EPHA6: variants seen among roughly 807,000 people sequenced by gnomAD.
EPHA6 encodes ephrin type-A receptor 6.
Under a neutral mutation model 112.0 loss-of-function variants are expected in EPHA6, and 50 were observed. The ratio of observed to expected loss-of-function variants is 0.45; its 90% CI spans 0.36 to 0.56. EPHA6 has a LOEUF of 0.56. Ranked by LOEUF, EPHA6 falls within the 20% of genes least tolerant of loss-of-function variation. The pLI is 0.00. For missense variants in EPHA6, 1,280 were observed against 1,417.4 expected, an observed-to-expected ratio of 0.90 and a Z score of 1.56; for synonymous variants, 529 against 490.7, an observed-to-expected ratio of 1.08 and a Z score of -1.03.
rs570565029 is a variant in EPHA6 at position 96,848,091 on chromosome 3, C to T, written c.386-18734C>T. ...TAATGTTTGCATGGGTATAAGTTGACAGTCTTATTTATACATATATTTCAT... is the reference window on the plus strand; with the variant it reads ...TAATGTTTGCATGGGTATAAGTTGATAGTCTTATTTATACATATATTTCAT... On this transcript the variant is annotated intron_variant, in intron 1 of 17. Coordinates refer to ENST00000389672, the MANE Select transcript of EPHA6 (RefSeq NM_001080448.3). Among the ~76,000 whole-genome samples, 9 of 152,108 alleles carry T rather than the reference C, an allele frequency of 5.9e-5. No homozygotes were observed. The South Asian group carries it at 1.9e-3, about 32-fold the overall frequency.
At chr3:97,056,300 T>C (rs2045850584) in intron 3 of EPHA6, among the ~76,000 whole-genome samples, 1 of 152,166 alleles carries the variant, frequency 6.6e-6, no homozygotes, top group Non-Finnish European at 1.5e-5. Context: ...CCCCCTTCGC[T>C]CTCAAGTATC....
rs527801960 is a variant in EPHA6, at chr3:96,961,044, T to C, written c.451-26286T>C. Reference sequence around the variant, plus strand: ...AATGAAGGGAGAAAACTTGTATAGCTGGATTAAACTGAGAATTGACTGTAA... The same window carrying C: ...AATGAAGGGAGAAAACTTGTATAGCCGGATTAAACTGAGAATTGACTGTAA... On this transcript the variant is annotated intron_variant, in intron 2 of 17. Coordinates refer to ENST00000389672, the MANE Select transcript of EPHA6 (RefSeq NM_001080448.3). Among the ~76,000 whole-genome samples, 264 of 152,320 alleles carry C rather than the reference T, an allele frequency of 1.7e-3. 1 individual carries two copies. Among genetic ancestry groups the C allele is most frequent in the African/African-American group, 5.9e-3 (247 of 41,568 alleles).
chr3:97,529,522 T>C (rs2092671878), intron 10 of EPHA6, among the ~76,000 whole-genome samples: 1 of 152,098 alleles, frequency 6.6e-6, no homozygotes, highest in Non-Finnish European at 1.5e-5. Context: ...ACAGATCTTA[T>C]TGAGGAATAA....
At chr3:97,054,192 ACAC>A (rs1418794061) in intron 3 of EPHA6, among the ~76,000 whole-genome samples, 3 of 150,058 alleles carry the variant, frequency 2.0e-5, no homozygotes, top group Non-Finnish European at 4.4e-5. Context: ...ACACACACAC[ACAC>A]AACAGATTAA....
chr3:96,879,601 G>C (rs1222598764), intron 2 of EPHA6, among the ~76,000 whole-genome samples: 1 of 152,068 alleles, frequency 6.6e-6, no homozygotes, highest in Non-Finnish European at 1.5e-5. Context: ...GCTTTTGGCA[G>C]TATGATTATT....
intron 10 of EPHA6, among the ~76,000 whole-genome samples, chr3:97,494,349 C>G (rs2091924939): frequency 6.6e-6 from 1 of 152,170 alleles, no homozygotes; most frequent in Non-Finnish European, 1.5e-5. Flanking sequence ...GTAAGTGACA[C>G]TTTCTAACCT....
chr3:97,642,576 A>G (rs1185939377), intron 14 of EPHA6, among the ~76,000 whole-genome samples: 1 of 151,690 alleles, frequency 6.6e-6, no homozygotes, highest in Non-Finnish European at 1.5e-5. Context: ...TAGAATAACC[A>G]ATACAGAGAA....
At chr3:97,380,006 A>G (rs548350083) in intron 5 of EPHA6, among the ~76,000 whole-genome samples, 29 of 152,298 alleles carry the variant, frequency 1.9e-4, no homozygotes, top group Middle Eastern at 3.4e-3. Context: ...TTTCAGAAAT[A>G]GGAAACGTAT....
intron 1 of EPHA6, among the ~76,000 whole-genome samples, chr3:96,819,612 G>T (rs1321111910): frequency 6.6e-6 from 1 of 152,050 alleles, no homozygotes; most frequent in Admixed American, 6.6e-5. Flanking sequence ...AAACATGCTG[G>T]AAATCAATAT....
chr3:97,640,672 C>T (rs1031385623), intron 14 of EPHA6, among the ~76,000 whole-genome samples: 12 of 151,670 alleles, frequency 7.9e-5, no homozygotes, highest in Non-Finnish European at 1.5e-4. Flanking sequence ...CCTGGCTACT[C>T]GGCAGGCTGA....
At chr3:96,858,348 A>C (rs1301736897) in intron 1 of EPHA6, among the ~76,000 whole-genome samples, 5 of 152,160 alleles carry the variant, frequency 3.3e-5, no homozygotes, top group Admixed American at 3.3e-4. Context: ...TAGTAGAATA[A>C]GAAATATGAC....
intron 2 of EPHA6, among the ~76,000 whole-genome samples, chr3:96,941,846 A>G (rs2040968527): frequency 6.6e-6 from 1 of 152,046 alleles, no homozygotes; most frequent in Non-Finnish European, 1.5e-5. Context: ...GGTCTGTTCG[A>G]GTTTGCTAGA....
chr3:96,880,697 C>A (rs976025645), intron 2 of EPHA6, among the ~76,000 whole-genome samples: 1 of 152,080 alleles, frequency 6.6e-6, no homozygotes, highest in Non-Finnish European at 1.5e-5. Context: ...TTCCTCCCCC[C>A]ACCTCACGCG....
intron 2 of EPHA6, among the ~76,000 whole-genome samples, chr3:96,921,790 A>G (rs1016202572): frequency 4.0e-5 from 6 of 151,494 alleles, no homozygotes; most frequent in African/African-American, 1.5e-4. Context: ...CTGGTCTTGA[A>G]CTCTTAACCT....
chr3:97,299,240 G>A (rs1330650615), intron 5 of EPHA6, among the ~76,000 whole-genome samples: 2 of 150,032 alleles, frequency 1.3e-5, no homozygotes, highest in Non-Finnish European at 3.0e-5. Flanking sequence ...TGTGTGTGTA[G>A]TGGGGAGTGT....
At chr3:97,468,072 C>T (rs1220156249) in intron 7 of EPHA6, among the ~76,000 whole-genome samples, 3 of 150,152 alleles carry the variant, frequency 2.0e-5, no homozygotes, top group Non-Finnish European at 4.4e-5. Context: ...GTTTGATATA[C>T]TGAATTGTAT....
At chr3:97,302,033 T>G (rs1203379465) in intron 5 of EPHA6, among the ~76,000 whole-genome samples, 1 of 152,046 alleles carries the variant, frequency 6.6e-6, no homozygotes, top group Non-Finnish European at 1.5e-5. Context: ...GACTTCTGTT[T>G]GCCAGTTAAT....
chr3:97,074,252 A>G (rs564131916), intron 3 of EPHA6, among the ~76,000 whole-genome samples: 1 of 152,160 alleles, frequency 6.6e-6, no homozygotes, highest in South Asian at 2.1e-4. Context: ...ATATTTGTAT[A>G]CATATTTGTT....
chr3:96,945,033 A>G (rs1299313398), intron 2 of EPHA6, among the ~76,000 whole-genome samples: 1 of 152,226 alleles, frequency 6.6e-6, no homozygotes, highest in Non-Finnish European at 1.5e-5. Context: ...TTATAATTTC[A>G]GCATTTCAGT....
Sources: gnomAD v4.1 joint callset for allele counts (sites outside exome capture counted in the v4.1 genomes callset) on GRCh38, gnomAD v4.1.1 for gene constraint, MANE v1.5 for transcripts, NCBI Gene and HGNC (gene_info 2026-07-23, HGNC 2026-07-21) for gene names.